The following VPS13A variants were observed in gnomAD, a reference collection of about 807,000 sequenced individuals.
The protein encoded by VPS13A is intermembrane lipid transfer protein VPS13A.
VPS13A carries 264 observed loss-of-function variants against 390.9 expected under a neutral mutation model. That is an observed-to-expected ratio of 0.68 (90% CI 0.61 to 0.75). The LOEUF is 0.75. Among genes scored for constraint, VPS13A ranks in the 30% least tolerant of loss-of-function variants. The pLI is 0.00. For synonymous variants in VPS13A, 1,231 were observed against 1,227.1 expected (o/e 1.00, Z -0.07); for missense variants, 3,409 against 3,733.9 (o/e 0.91, Z 2.27).
intron 23 of VPS13A, among the ~76,000 whole-genome samples, chr9:77,262,432 AG>A (rs1323534282): frequency 1.3e-5 from 2 of 152,092 alleles, no homozygotes; most frequent in African/African-American, 4.8e-5. Context: ...AGTGTAAAGA[AG>A]GTTTTTTTTT....
At chr9:77,228,047 A>C in intron 16 of VPS13A, 75 bp from the exon 17 acceptor site, 1 of 1,127,966 alleles carries the variant, frequency 8.9e-7, no homozygotes, top group Non-Finnish European at 1.2e-6. Flanking sequence ...TTTTGAAATG[A>C]ATGTACTATA....
At chr9:77,270,031 G>A (rs1587462590) in intron 23 of VPS13A, among the ~76,000 whole-genome samples, 1 of 152,206 alleles carries the variant, frequency 6.6e-6, no homozygotes, top group Non-Finnish European at 1.5e-5. Context: ...CTCCAGAACT[G>A]TGAGAACATA....
At chr9:77,289,928 G>T (rs750587999) in intron 31 of VPS13A, among the ~76,000 whole-genome samples, 4 of 151,846 alleles carry the variant, frequency 2.6e-5, no homozygotes, top group Non-Finnish European at 5.9e-5. Flanking sequence ...TTACAGATGT[G>T]TGCCACCACA....
chr9:77,351,699 T>C (rs1194958242), intron 53 of VPS13A, among the ~76,000 whole-genome samples: 1 of 152,128 alleles, frequency 6.6e-6, no homozygotes, highest in Non-Finnish European at 1.5e-5. Context: ...TGAAACTCCG[T>C]CTCTACTAAA....
chr9:77,309,544 A>G (rs1828949020), intron 35 of VPS13A, among the ~76,000 whole-genome samples: 1 of 152,208 alleles, frequency 6.6e-6, no homozygotes, highest in South Asian at 2.1e-4. Context: ...TGTATCATAA[A>G]GATGAATTTA....
chr9:77,212,232 T>A (rs1826010940), intron 7 of VPS13A, among the ~76,000 whole-genome samples: 1 of 152,196 alleles, frequency 6.6e-6, no homozygotes, highest in Non-Finnish European at 1.5e-5. Flanking sequence ...AAACCCTTTT[T>A]AAACCGACCC....
intron 1 of VPS13A, among the ~76,000 whole-genome samples, chr9:77,184,193 A>G (rs1824191632): frequency 6.6e-6 from 1 of 152,232 alleles, no homozygotes; most frequent in African/African-American, 2.4e-5. Flanking sequence ...CCATCACCCC[A>G]GAAAGTCTTT....
rs932180195 is a variant in VPS13A, at chr9:77,315,325, T to C, written c.4485T>C (p.Gly1495=). ...TAAAGTACAGGAAAGTCAGAGATGG[T>C]TGTGTGACTGATGCGGTCTTTCAAG... ...MDIKYRKVRD[G]CVTDAVFQEM... is the part of the protein sequence containing the mutation. The change falls in exon 38 of 72, where the codon GGT becomes GGC. Residue 1495 remains glycine, a synonymous_variant. Transcript: ENST00000360280. 1.2e-6 allele frequency: 2 copies of C among 1,613,932 alleles called. No individual in the cohort carries two copies. Among genetic ancestry groups the C allele is most frequent in the East Asian group, 2.2e-5 (1 of 44,860 alleles).
chr9:77,302,592 C>G (rs928810820), intron 33 of VPS13A, among the ~76,000 whole-genome samples: 4 of 151,824 alleles, frequency 2.6e-5, no homozygotes, highest in Non-Finnish European at 1.5e-5. Flanking sequence ...AGGCTGGTCT[C>G]AAACTCCTAA....
At chr9:77,197,050 A>G (rs1825045450) in intron 1 of VPS13A, among the ~76,000 whole-genome samples, 1 of 152,062 alleles carries the variant, frequency 6.6e-6, no homozygotes, top group South Asian at 2.1e-4. Flanking sequence ...GGTTGAGGTA[A>G]TATCTTCTTG....
chr9:77,326,309 A>G (rs1222739685), intron 45 of VPS13A, among the ~76,000 whole-genome samples: 1 of 152,058 alleles, frequency 6.6e-6, no homozygotes, highest in Non-Finnish European at 1.5e-5. Flanking sequence ...GATCAACTTT[A>G]GAAAACTTTT....
intron 26 of VPS13A, 154 bp from the exon 27 acceptor site, chr9:77,280,005 C>A (rs1275084147): frequency 2.0e-5 from 11 of 554,562 alleles, no homozygotes; most frequent in Non-Finnish European, 3.5e-5. Context: ...GTTTAAAGAA[C>A]AAAGAAGTAA....
At chr9:77,283,734 T>A in intron 31 of VPS13A, 84 bp downstream of exon 31, 2 of 1,176,414 alleles carry the variant, frequency 1.7e-6, no homozygotes, top group Admixed American at 4.2e-5. Context: ...TTTGGACATT[T>A]GTCAGAATTT....
At chr9:77,217,919 T>A (rs796160097) in intron 10 of VPS13A, among the ~76,000 whole-genome samples, 7 of 152,096 alleles carry the variant, frequency 4.6e-5, no homozygotes, top group African/African-American at 1.7e-4. Context: ...TTGTACTGAT[T>A]TACATTCCCA....
At chr9:77,214,260 G>C in intron 9 of VPS13A, 69 bp from the exon 10 acceptor site, 1 of 1,368,860 alleles carries the variant, frequency 7.3e-7, no homozygotes, top group Non-Finnish European at 1.0e-6. Flanking sequence ...TGGGTGACAG[G>C]GGGAGACTCC....
intron 68 of VPS13A, among the ~76,000 whole-genome samples, chr9:77,399,202 AAAACAAAG>A (rs1834268088): frequency 2.1e-5 from 2 of 94,380 alleles, no homozygotes; most frequent in East Asian, 4.0e-4. Context: ...AAAAAAAAAA[AAAACAAAG>A]GATACGGTTG....
At chr9:77,274,848 G>T (rs557903796) in intron 24 of VPS13A, among the ~76,000 whole-genome samples, 1 of 152,120 alleles carries the variant, frequency 6.6e-6, no homozygotes, top group African/African-American at 2.4e-5. Flanking sequence ...TTTAACTTCA[G>T]TCTTAGTTTA....
Position 77,321,538 on chromosome 9 carries a change from T to A in VPS13A, c.5622T>A (p.Asp1874Glu). The change falls in exon 44 of 72, where the codon GAT becomes GAA. Residue 1874 changes from aspartate to glutamate, a missense_variant. By Grantham distance (45) the Asp-to-Glu change is conservative (BLOSUM62 2). Transcript: ENST00000360280. ...ATGSSADFVK[D>E]LAPFMILNSL... ...GATCTTCAGCTGACTTCGTAAAGGA[T>A]CTAGCACCATTTATGATTTTAAATT... 1 of 1,613,522 alleles carries A rather than the reference T, an allele frequency of 6.2e-7. No individual in the cohort carries two copies. The highest frequency in any genetic ancestry group is 8.5e-7 in the Non-Finnish European group (1 of 1,179,622).
intron 69 of VPS13A, among the ~76,000 whole-genome samples, chr9:77,405,083 A>C (rs894489319): frequency 2.0e-5 from 3 of 152,202 alleles, no homozygotes; most frequent in African/African-American, 7.2e-5. Context: ...AAGACATTTG[A>C]AGGAAGGATT....
Sources: gnomAD v4.1 joint callset for allele counts (sites outside exome capture counted in the v4.1 genomes callset) on GRCh38, gnomAD v4.1.1 for gene constraint, MANE v1.5 for transcripts, NCBI Gene and HGNC (gene_info 2026-07-23, HGNC 2026-07-21) for gene names.